Variants in LHFPL6 observed in about 807,000 individuals in gnomAD.
The protein encoded by LHFPL6 is LHFPL tetraspan subfamily member 6 protein.
In LHFPL6, 9 loss-of-function variants were observed where a neutral mutation model predicts 20.6. The observed-to-expected ratio is 0.44, with a 90% CI of 0.26 to 0.76. LHFPL6 has a LOEUF of 0.76. Among genes scored for constraint, LHFPL6 ranks in the 30% least tolerant of loss-of-function variants. The pLI is 0.20. For missense variants in LHFPL6, 218 were observed against 253.5 expected (o/e 0.86, Z 0.95); for synonymous variants, 105 against 98.7 (o/e 1.06, Z -0.38).
chr13:39,498,680 G>A (rs2138461316), intron 2 of LHFPL6, among the ~76,000 whole-genome samples: 1 of 152,238 alleles, frequency 6.6e-6, no homozygotes, highest in Admixed American at 6.5e-5. Flanking sequence ...TTTAACAAAG[G>A]TAACAAAAAG....
chr13:39,545,312 A>AG (rs1483700296), intron 2 of LHFPL6, among the ~76,000 whole-genome samples: 2 of 151,334 alleles, frequency 1.3e-5, no homozygotes, highest in Non-Finnish European at 2.9e-5. Context: ...ACAAGTGCAG[A>AG]GGGAAGGAAT....
intron 2 of LHFPL6, among the ~76,000 whole-genome samples, chr13:39,534,861 C>A (rs561950524): frequency 1.3e-5 from 2 of 152,150 alleles, no homozygotes; most frequent in African/African-American, 4.8e-5. Context: ...CCTCTCACTA[C>A]CCATTTTATT....
chr13:39,508,619 T>C (rs866237271), intron 2 of LHFPL6, among the ~76,000 whole-genome samples: 3 of 152,228 alleles, frequency 2.0e-5, no homozygotes, highest in South Asian at 4.1e-4. Context: ...TCACTCAGCA[T>C]AATTATTTTG....
intron 2 of LHFPL6, among the ~76,000 whole-genome samples, chr13:39,455,313 G>T (rs969363226): frequency 6.6e-6 from 1 of 152,078 alleles, no homozygotes; most frequent in Non-Finnish European, 1.5e-5. Context: ...TGAAAACTGG[G>T]TTAGTCATGG....
intron 2 of LHFPL6, among the ~76,000 whole-genome samples, chr13:39,574,291 G>A (rs952478273): frequency 2.0e-4 from 30 of 152,008 alleles, no homozygotes; most frequent in Admixed American, 9.8e-4. Context: ...GATCATCCTG[G>A]CTAACATGGT....
intron 2 of LHFPL6, among the ~76,000 whole-genome samples, chr13:39,447,684 G>A (rs1872327660): frequency 6.6e-6 from 1 of 152,126 alleles, no homozygotes; most frequent in Non-Finnish European, 1.5e-5. Flanking sequence ...CCACTTCTCA[G>A]TGGCACCAAG....
chr13:39,598,144 T>G (rs937549435), intron 2 of LHFPL6, among the ~76,000 whole-genome samples: 1 of 152,274 alleles, frequency 6.6e-6, no homozygotes, highest in Non-Finnish European at 1.5e-5. Context: ...CTCACTGGTT[T>G]GGCATTCTGC....
At chr13:39,602,803 C>T (rs1166461654) in intron 1 of LHFPL6, 80 bp downstream of exon 1, 2 of 152,328 alleles carry the variant, frequency 1.3e-5, no homozygotes, top group Non-Finnish European at 2.9e-5. Flanking sequence ...AGCAGCCCAA[C>T]TCCGGCTCCG....
intron 3 of LHFPL6, among the ~76,000 whole-genome samples, chr13:39,364,642 C>CT (rs1371237632): frequency 6.6e-6 from 1 of 152,016 alleles, no homozygotes; most frequent in African/African-American, 2.4e-5. Flanking sequence ...GGATAGTTTT[C>CT]TTTCTTTTCT....
intron 2 of LHFPL6, among the ~76,000 whole-genome samples, chr13:39,495,779 ATTTTTTTTT>A (rs10558170): frequency 6.7e-5 from 6 of 89,542 alleles, no homozygotes; most frequent in Admixed American, 2.9e-4. Flanking sequence ...TAACTCAATA[ATTTTTTTTT>A]TTTTTTTTTT....
intron 2 of LHFPL6, 127 bp from the exon 3 acceptor site, chr13:39,378,653 A>G: frequency 1.6e-6 from 1 of 617,412 alleles, no homozygotes. Flanking sequence ...ACCAGCCACA[A>G]CTCTTTTAAG....
At chr13:39,578,148 G>A (rs1010911126) in intron 2 of LHFPL6, among the ~76,000 whole-genome samples, 1 of 152,008 alleles carries the variant, frequency 6.6e-6, no homozygotes, top group Non-Finnish European at 1.5e-5. Flanking sequence ...CCATATCACT[G>A]GAAATTTCTC....
intron 2 of LHFPL6, among the ~76,000 whole-genome samples, chr13:39,408,525 A>T (rs1364360700): frequency 6.6e-6 from 1 of 152,268 alleles, no homozygotes; most frequent in Non-Finnish European, 1.5e-5. Context: ...TTATTACAGG[A>T]AACTAAAATG....
intron 2 of LHFPL6, among the ~76,000 whole-genome samples, chr13:39,500,197 A>AT (rs377267409): frequency 1.3e-4 from 20 of 150,882 alleles, no homozygotes; most frequent in East Asian, 3.9e-4. Context: ...TTGTTTGTTT[A>AT]TTTTTTTTGT....
intron 2 of LHFPL6, among the ~76,000 whole-genome samples, chr13:39,404,200 C>T (rs1168213171): frequency 6.6e-6 from 1 of 152,096 alleles, no homozygotes; most frequent in African/African-American, 2.4e-5. Context: ...AAGGGAGTGG[C>T]TTTCTCTCAC....
chr13:39,420,002 G>A (rs17059888), intron 2 of LHFPL6, among the ~76,000 whole-genome samples: 26,965 of 152,030 alleles, frequency 0.18, 2,808 homozygotes, highest in East Asian at 0.32. Context: ...AAAATGCACA[G>A]CCTAACAGCC....
chr13:39,581,475 C>T (rs3858867), intron 2 of LHFPL6, among the ~76,000 whole-genome samples: 125,944 of 150,400 alleles, frequency 0.84, 52,914 homozygotes, highest in East Asian at 0.93. Context: ...ATGAGATAAA[C>T]GAACTGACTT....
intron 2 of LHFPL6, among the ~76,000 whole-genome samples, chr13:39,463,933 A>G (rs1025026459): frequency 6.6e-6 from 1 of 152,198 alleles, no homozygotes; most frequent in Non-Finnish European, 1.5e-5. Context: ...TAACATATTG[A>G]TGCTGATTAG....
intron 2 of LHFPL6, among the ~76,000 whole-genome samples, chr13:39,591,627 T>C (rs1872593858): frequency 6.6e-6 from 1 of 152,192 alleles, no homozygotes; most frequent in South Asian, 2.1e-4. Context: ...TTGGTTTGTA[T>C]TTCTCCAAAT....
Sources: allele counts gnomAD v4.1 joint callset (sites outside exome capture counted in the v4.1 genomes callset), GRCh38; gene constraint gnomAD v4.1.1; transcripts MANE v1.5; gene names NCBI Gene and HGNC (gene_info 2026-07-23, HGNC 2026-07-21).